Variants in SMAD9 observed in about 807,000 individuals in gnomAD.
SMAD9 encodes SMAD family member 9.
SMAD9 carries 36 observed loss-of-function variants against 46.1 expected under a neutral mutation model. The ratio of observed to expected loss-of-function variants is 0.78; its 90% confidence interval spans 0.60 to 1.03. The LOEUF is 1.03. SMAD9 is among the 50% of genes least tolerant of loss of function. The probability of loss-of-function intolerance (pLI) is 0.00; values close to 1 mark genes in which losing one functional copy is unlikely to be tolerated. For synonymous variants in SMAD9, 245 were observed against 237.1 expected, an observed-to-expected ratio of 1.03 and a Z score of -0.31; for missense variants, 572 against 599.8, an observed-to-expected ratio of 0.95 and a Z score of 0.48.
intron 1 of SMAD9, among the ~76,000 whole-genome samples, chr13:36,917,999 T>G (rs1244178158): frequency 6.6e-6 from 1 of 152,222 alleles, no homozygotes; most frequent in East Asian, 1.9e-4. Context: ...GTAAAGATAG[T>G]GTACCACTTG....
chr13:36,875,000 T>A (rs56202839), intron 2 of SMAD9, among the ~76,000 whole-genome samples: 1 of 151,546 alleles, frequency 6.6e-6, no homozygotes, highest in South Asian at 2.1e-4. Flanking sequence ...TATGTAAGCA[T>A]ATTATATATT....
intron 1 of SMAD9, among the ~76,000 whole-genome samples, chr13:36,900,716 CACACACACACAT>C (rs990755392): frequency 6.2e-5 from 9 of 145,328 alleles, no homozygotes; most frequent in African/African-American, 1.7e-4. Context: ...CACACACACA[CACACACACACAT>C]AAATGTAAAT....
chr13:36,850,989 G>A (rs1263970338), intron 6 of SMAD9, among the ~76,000 whole-genome samples: 1 of 152,098 alleles, frequency 6.6e-6, no homozygotes, highest in Non-Finnish European at 1.5e-5. Context: ...CTCCAGGTGG[G>A]GGCGACTCTC....
Position 36,906,556 on chromosome 13 carries a change from AAAAC to A in SMAD9, c.-187+13556_-187+13559del, listed in dbSNP as rs1157753235. ...AATTCTTAAAACTCAACAACAACAA[AAAAC>A]AAACCACCCAATTCAAAAGAGGCAA... On this transcript the variant is annotated intron_variant, in intron 1 of 6. Coordinates refer to ENST00000379826, the MANE Select transcript of SMAD9 (RefSeq NM_001127217.3). 3.9e-5 allele frequency among the ~76,000 whole-genome samples: 6 copies of A among 152,298 alleles called. No individual in the cohort carries two copies. The East Asian group carries it at 7.7e-4, about 20-fold the overall frequency.
chr13:36,848,886 G>A (rs898049390), intron 6 of SMAD9, 67 bp from the exon 7 acceptor site: 13 of 1,548,130 alleles, frequency 8.4e-6, no homozygotes, highest in Non-Finnish European at 1.2e-5. Flanking sequence ...GCCCCAGGCA[G>A]AGCTCAGCGG....
chr13:36,894,285 C>T (rs140759767), intron 1 of SMAD9, among the ~76,000 whole-genome samples: 1 of 152,164 alleles, frequency 6.6e-6, no homozygotes, highest in East Asian at 1.9e-4. Context: ...CCATACTGTT[C>T]TCTTGGTAGT....
chr13:36,862,272 T>C (rs1024596522), intron 5 of SMAD9, among the ~76,000 whole-genome samples: 13 of 152,040 alleles, frequency 8.6e-5, no homozygotes, highest in Non-Finnish European at 1.5e-4. Flanking sequence ...AGTCACAGGA[T>C]GACATAGGAG....
chr13:36,872,117 A>G lies in SMAD9; in HGVS notation c.670+541T>C, dbSNP rs537872103. ...CTTCCATATGCTTTCTCAATTCAGC[A>G]AACTGAAGAGCTCTATATTTAAGAT... On this transcript the variant is annotated intron_variant, in intron 3 of 6. Coordinates refer to ENST00000379826, the MANE Select transcript of SMAD9 (RefSeq NM_001127217.3). 1.1e-4 allele frequency among the ~76,000 whole-genome samples: 16 copies of G among 152,250 alleles called. No homozygotes were observed. In the South Asian group the frequency reaches 3.3e-3, roughly 32 times the overall value.
intron 5 of SMAD9, 80 bp from the exon 6 acceptor site, chr13:36,853,755 G>A (rs1226269139): frequency 6.3e-6 from 9 of 1,429,596 alleles, no homozygotes; most frequent in South Asian, 4.6e-5. Flanking sequence ...AACCCTAGGA[G>A]ATGTGACTCT....
chr13:36,874,990 T>C (rs2058333153), intron 2 of SMAD9, among the ~76,000 whole-genome samples: 1 of 151,474 alleles, frequency 6.6e-6, no homozygotes, highest in Non-Finnish European at 1.5e-5. Flanking sequence ...TGGAAATAGA[T>C]ATGTAAGCAT....
At chr13:36,852,574 G>A (rs112706432) in intron 6 of SMAD9, 1 of 983,832 alleles carries the variant, frequency 1.0e-6, no homozygotes, top group Non-Finnish European at 1.2e-6. Context: ...AACATATACT[G>A]CTCTCTGAAT....
intron 2 of SMAD9, among the ~76,000 whole-genome samples, chr13:36,873,691 C>G (rs920356518): frequency 6.6e-6 from 1 of 152,042 alleles, no homozygotes; most frequent in Non-Finnish European, 1.5e-5. Flanking sequence ...GGTGAAACCC[C>G]GTCTCTATTA....
At chr13:36,912,989 C>A (rs1323512652) in intron 1 of SMAD9, among the ~76,000 whole-genome samples, 1 of 152,168 alleles carries the variant, frequency 6.6e-6, no homozygotes, top group Non-Finnish European at 1.5e-5. Context: ...TTGCATATAA[C>A]CTACCACATC....
chr13:36,886,104 C>T (rs1486324571), intron 1 of SMAD9, among the ~76,000 whole-genome samples: 1 of 152,192 alleles, frequency 6.6e-6, no homozygotes, highest in East Asian at 1.9e-4. Flanking sequence ...ATCACTGTCA[C>T]AGCTGCATGT....
At chr13:36,910,803 C>T (rs941552156) in intron 1 of SMAD9, among the ~76,000 whole-genome samples, 3 of 152,150 alleles carry the variant, frequency 2.0e-5, no homozygotes, top group Non-Finnish European at 4.4e-5. Context: ...ATGTGCTAGT[C>T]ACTCACAACA....
In SMAD9 at chr13:36,846,130, T is replaced by G. The variant is rs142569873; in HGVS notation, c.*2546A>C. ...ATGAGCCACTGCATCCAGATTTTTT[T>G]TTTGTTTTTAATGTCATTTATGAGC... On this transcript the variant is annotated 3_prime_UTR_variant, in exon 7 of 7. Transcript: ENST00000379826. The G allele has an allele frequency of 1.9e-4, 29 of 152,040 alleles. No individual in the cohort carries two copies. In the East Asian group the frequency reaches 5.6e-3, roughly 30 times the overall value. 9.4% of individuals were successfully genotyped at this position (152,040 alleles called of 1,614,324 possible). A position where few individuals can be genotyped will look rare whatever the true frequency, so the allele number is the denominator to read the frequency against.
intron 5 of SMAD9, among the ~76,000 whole-genome samples, chr13:36,862,122 G>A (rs1053339772): frequency 2.0e-5 from 3 of 152,096 alleles, no homozygotes; most frequent in Non-Finnish European, 2.9e-5. Flanking sequence ...CTGACAGACT[G>A]GTTCAGGCTC....
intron 2 of SMAD9, among the ~76,000 whole-genome samples, chr13:36,876,291 A>G (rs1445916398): frequency 1.3e-5 from 2 of 152,162 alleles, no homozygotes; most frequent in Admixed American, 6.5e-5. Flanking sequence ...TATAATATGA[A>G]TATTTTATAT....
chr13:36,893,441 A>AATAT (rs904598444), intron 1 of SMAD9, among the ~76,000 whole-genome samples: 2 of 142,148 alleles, frequency 1.4e-5, no homozygotes. Flanking sequence ...TATAAATATA[A>AATAT]ATATATATAT....
Sources: allele counts gnomAD v4.1 joint callset (sites outside exome capture counted in the v4.1 genomes callset), GRCh38; gene constraint gnomAD v4.1.1; transcripts MANE v1.5; gene names NCBI Gene and HGNC (gene_info 2026-07-23, HGNC 2026-07-21).